The following EYS variants were observed in gnomAD, a reference collection of about 807,000 sequenced individuals.
EYS encodes the protein EGF-like photoreceptor maintenance factor.
EYS carries 250 observed loss-of-function variants against 282.1 expected under a neutral mutation model. The ratio of observed to expected loss-of-function variants is 0.89; its 90% CI spans 0.80 to 0.98. The LOEUF (loss-of-function observed/expected upper bound fraction) is 0.98. Ranked by LOEUF, EYS falls within the 50% of genes least tolerant of loss-of-function variation. The pLI, the probability that EYS is intolerant of heterozygous loss-of-function variation, is 0.00. For missense variants in EYS, 4,016 were observed against 3,709.0 expected, an observed-to-expected ratio of 1.08 and a Z score of -2.15; for synonymous variants, 1,355 against 1,282.9, an observed-to-expected ratio of 1.06 and a Z score of -1.20.
At chr6:64,751,019 C>T (rs1772729652) in intron 22 of EYS, among the ~76,000 whole-genome samples, 1 of 151,992 alleles carries the variant, frequency 6.6e-6, no homozygotes, top group Non-Finnish European at 1.5e-5. Flanking sequence ...GAGTTTAGGC[C>T]CCTCCTTTGC....
chr6:65,364,244 A>G (rs983061265), intron 8 of EYS, among the ~76,000 whole-genome samples: 1 of 82,860 alleles, frequency 1.2e-5, no homozygotes, highest in Non-Finnish European at 2.6e-5. Flanking sequence ...AAATCAACTA[A>G]ATGTTTTTTT....
chr6:64,678,028 G>T (rs1260863488), intron 22 of EYS, among the ~76,000 whole-genome samples: 1 of 151,778 alleles, frequency 6.6e-6, no homozygotes, highest in Admixed American at 6.6e-5. Flanking sequence ...AAGAAATCAG[G>T]ATTTTTCCCC....
intron 26 of EYS, among the ~76,000 whole-genome samples, chr6:64,472,050 C>T (rs1776138433): frequency 6.6e-6 from 1 of 152,032 alleles, no homozygotes; most frequent in Non-Finnish European, 1.5e-5. Flanking sequence ...ACATGTATTA[C>T]GATATCAGAG....
chr6:65,527,628 T>C (rs1582417441), intron 2 of EYS, among the ~76,000 whole-genome samples: 1 of 152,360 alleles, frequency 6.6e-6, no homozygotes, highest in East Asian at 1.9e-4. Context: ...TCCAAAATGA[T>C]CTAGTTATTT....
rs142931967 is a variant in EYS at position 65,415,871 on chromosome 6, C to T, written c.863-10504G>A. On this transcript the variant is annotated intron_variant, in intron 5 of 42. Coordinates refer to ENST00000503581, the MANE Select transcript of EYS (RefSeq NM_001142800.2). ...TATCAAAATTTATGGGCAGTGTCTA[C>T]GAACTCCTTGCAATTAGTGAATATA... Among the ~76,000 whole-genome samples, 412 of 152,114 alleles carry T rather than the reference C, an allele frequency of 2.7e-3. 1 individual carries two copies. Among genetic ancestry groups the T allele is most frequent in the African/African-American group, 8.8e-3 (367 of 41,548 alleles).
intron 12 of EYS, among the ~76,000 whole-genome samples, chr6:65,216,232 T>G (rs879663812): frequency 2.6e-5 from 4 of 152,096 alleles, no homozygotes; most frequent in Admixed American, 2.0e-4. Flanking sequence ...ATATGCATAG[T>G]AATTTCTTTT....
At chr6:64,469,382 G>T (rs1776034104) in intron 26 of EYS, among the ~76,000 whole-genome samples, 1 of 152,004 alleles carries the variant, frequency 6.6e-6, no homozygotes, top group African/African-American at 2.4e-5. Flanking sequence ...ATAGATCTTA[G>T]ATATGATTAT....
At chr6:64,025,464 T>C (rs886704597) in intron 33 of EYS, among the ~76,000 whole-genome samples, 1 of 152,156 alleles carries the variant, frequency 6.6e-6, no homozygotes, top group South Asian at 2.1e-4. Context: ...CCAGACAAAC[T>C]TCCTCTCGCC....
At chr6:65,088,702 G>T (rs1211658828) in intron 12 of EYS, among the ~76,000 whole-genome samples, 1 of 152,146 alleles carries the variant, frequency 6.6e-6, no homozygotes, top group Non-Finnish European at 1.5e-5. Context: ...GTAATAAGGA[G>T]CCCAATGATA....
intron 28 of EYS, among the ~76,000 whole-genome samples, chr6:64,419,777 C>G (rs772929523): frequency 2.6e-4 from 40 of 152,232 alleles, no homozygotes; most frequent in Non-Finnish European, 5.9e-4. Context: ...TGTGGCTTTG[C>G]AGGGTACAGC....
chr6:65,254,825 T>A (rs1030328168), intron 12 of EYS, among the ~76,000 whole-genome samples: 1 of 151,908 alleles, frequency 6.6e-6, no homozygotes, highest in African/African-American at 2.4e-5. Flanking sequence ...CAGCACATTT[T>A]TACAGCATAA....
At chr6:64,769,707 C>T (rs535570355) in intron 22 of EYS, among the ~76,000 whole-genome samples, 7 of 151,916 alleles carry the variant, frequency 4.6e-5, no homozygotes, top group African/African-American at 1.7e-4. Context: ...TACAGAACCA[C>T]GAAATTCTTC....
chr6:63,965,964 C>T (rs1766289130), intron 35 of EYS, among the ~76,000 whole-genome samples: 1 of 152,160 alleles, frequency 6.6e-6, no homozygotes, highest in Admixed American at 6.5e-5. Flanking sequence ...ACTTATGCCA[C>T]CTGCTCTGTG....
chr6:63,866,953 C>T (rs779768058), intron 35 of EYS, among the ~76,000 whole-genome samples: 2 of 152,134 alleles, frequency 1.3e-5, no homozygotes, highest in Non-Finnish European at 2.9e-5. Context: ...TCTTTGCTAT[C>T]GTCTGTGTTA....
rs140919320 is a variant in EYS at position 64,409,880 on chromosome 6, T to C, written c.5928-21040A>G. Among the ~76,000 whole-genome samples, 448 of 152,288 alleles carry C rather than the reference T, an allele frequency of 2.9e-3. 2 individuals carry two copies. The highest frequency in any genetic ancestry group is 0.01 in the Middle Eastern group (3 of 294). ...AAGACATGTACTATGAAAGTGCTCT[T>C]AGTGAGGATTTATTTGGGAGACAAA... is the stretch of plus-strand genomic sequence containing the variant. On this transcript the variant is annotated intron_variant, in intron 28 of 42. Transcript: ENST00000503581.
At chr6:64,764,485 T>C (rs1773260020) in intron 22 of EYS, among the ~76,000 whole-genome samples, 1 of 152,196 alleles carries the variant, frequency 6.6e-6, no homozygotes, top group Admixed American at 6.5e-5. Flanking sequence ...AATGGGGCCC[T>C]GGGCCCAGCC....
chr6:64,136,216 G>T (rs770090391), intron 31 of EYS, among the ~76,000 whole-genome samples: 1 of 150,564 alleles, frequency 6.6e-6, no homozygotes, highest in Non-Finnish European at 1.5e-5. Context: ...ATCATCATGA[G>T]ATTATAGCAA....
chr6:63,737,150 A>C (rs1161684904), intron 41 of EYS, among the ~76,000 whole-genome samples: 1 of 151,876 alleles, frequency 6.6e-6, no homozygotes, highest in African/African-American at 2.4e-5. Flanking sequence ...GAGAGAGGGC[A>C]TCCCTGTCTT....
chr6:65,223,065 TA>T (rs1582034986), intron 12 of EYS, among the ~76,000 whole-genome samples: 1 of 152,208 alleles, frequency 6.6e-6, no homozygotes. Context: ...AAAGCAATGA[TA>T]AATTTAACAA....
Sources: allele counts gnomAD v4.1 joint callset (sites outside exome capture counted in the v4.1 genomes callset), GRCh38; gene constraint gnomAD v4.1.1; transcripts MANE v1.5; gene names NCBI Gene and HGNC (gene_info 2026-07-23, HGNC 2026-07-21).